ZNF362: variants seen among roughly 807,000 people sequenced by gnomAD.
ZNF362 encodes zinc finger protein 362.
ZNF362 carries 11 observed loss-of-function variants against 42.9 expected under a neutral mutation model. The observed-to-expected ratio is 0.26, with a 90% CI of 0.16 to 0.42. The LOEUF (loss-of-function observed/expected upper bound fraction) is 0.42. Ranked by LOEUF, ZNF362 falls within the 20% of genes least tolerant of loss-of-function variation. ZNF362 has a pLI of 1.00. For missense variants in ZNF362, 362 were observed against 576.2 expected, an observed-to-expected ratio of 0.63 and a Z score of 3.81; for synonymous variants, 255 against 257.3, an observed-to-expected ratio of 0.99 and a Z score of 0.09.
At chr1:33,158,398 C>T in the ZNF362 span, 147 of 1,596,084 alleles carry the variant, frequency 9.2e-5, 1 homozygote, top group East Asian at 3.0e-3. Context: ...GGGGGCTGCA[C>T]CAGGGACTGG....
At chr1:33,257,792 C>T (rs986381394) in intron 1 of ZNF362, among the ~76,000 whole-genome samples, 1 of 152,146 alleles carries the variant, frequency 6.6e-6, no homozygotes, top group African/African-American at 2.4e-5. Context: ...GTGGAACCTT[C>T]GGGAGCTGTG....
At chr1:33,212,295 A>G in the ZNF362 span, among the ~76,000 whole-genome samples, 2 of 152,148 alleles carry the variant, frequency 1.3e-5, no homozygotes, top group Non-Finnish European at 2.9e-5. Context: ...TTCTTTATAA[A>G]TTATCCAGTC....
upstream of ZNF362, among the ~76,000 whole-genome samples, chr1:33,253,065 T>C (rs1453498567): frequency 6.6e-6 from 1 of 151,632 alleles, no homozygotes; most frequent in Non-Finnish European, 1.5e-5. Flanking sequence ...AATGGCTTCA[T>C]ACAGGAGGTG....
At chr1:33,151,623 C>A in the ZNF362 span, among the ~76,000 whole-genome samples, 1 of 152,174 alleles carries the variant, frequency 6.6e-6, no homozygotes, top group Non-Finnish European at 1.5e-5. Context: ...TGGGGGCTCA[C>A]TATTCTACAG....
chr1:33,250,295 A>T, the ZNF362 span, among the ~76,000 whole-genome samples: 2 of 152,196 alleles, frequency 1.3e-5, no homozygotes, highest in African/African-American at 4.8e-5. Flanking sequence ...GGGTCCAAGT[A>T]GAAAGTGCAT....
At chr1:33,276,853 C>T (rs1645954391) in intron 4 of ZNF362, among the ~76,000 whole-genome samples, 2 of 152,232 alleles carry the variant, frequency 1.3e-5, no homozygotes, top group Non-Finnish European at 2.9e-5. Context: ...TGGGGCTCAC[C>T]AGGAAAGTTA....
the ZNF362 span, among the ~76,000 whole-genome samples, chr1:33,166,904 A>G: frequency 6.6e-6 from 1 of 152,044 alleles, no homozygotes; most frequent in Non-Finnish European, 1.5e-5. Context: ...TTTTGCATTA[A>G]TTTTGATTTA....
At chr1:33,279,616 A>C (rs571360735) in intron 4 of ZNF362, among the ~76,000 whole-genome samples, 1 of 149,552 alleles carries the variant, frequency 6.7e-6, no homozygotes, top group Admixed American at 6.7e-5. Context: ...TAAAACGCTC[A>C]TTGTCAAAGA....
chr1:33,272,045 A>G (rs1283834130), intron 2 of ZNF362, among the ~76,000 whole-genome samples: 1 of 146,250 alleles, frequency 6.8e-6, no homozygotes, highest in South Asian at 2.3e-4. Flanking sequence ...GGTGGGAGAG[A>G]GGGGGCTCCC....
the ZNF362 span, among the ~76,000 whole-genome samples, chr1:33,198,203 A>G: frequency 6.6e-6 from 1 of 152,222 alleles, no homozygotes; most frequent in Non-Finnish European, 1.5e-5. Context: ...GAAAAATACT[A>G]TGTATAAAGA....
chr1:33,129,262 T>C, the ZNF362 span, among the ~76,000 whole-genome samples: 12 of 152,316 alleles, frequency 7.9e-5, no homozygotes, highest in African/African-American at 2.9e-4. The surrounding 1 kb of genome is among the most constrained non-coding windows in gnomAD (Gnocchi z 4.1). Context: ...AAGTTACTTA[T>C]GGGTTGGGGG....
At chr1:33,256,880 G>T (rs1022744960) in intron 1 of ZNF362, among the ~76,000 whole-genome samples, 1 of 150,184 alleles carries the variant, frequency 6.7e-6, no homozygotes, top group African/African-American at 2.4e-5. Context: ...TGTCTCCCGC[G>T]GCGTGTCTGG....
At chr1:33,229,045 T>C in the ZNF362 span, among the ~76,000 whole-genome samples, 2 of 152,136 alleles carry the variant, frequency 1.3e-5, no homozygotes, top group African/African-American at 4.8e-5. Context: ...TCGAGGTATC[T>C]GTAGGGCTTG....
At chr1:33,210,618 G>A in the ZNF362 span, among the ~76,000 whole-genome samples, 1 of 152,098 alleles carries the variant, frequency 6.6e-6, no homozygotes, top group Middle Eastern at 3.2e-3. Context: ...CCTGTATTGG[G>A]TGCATATATA....
the ZNF362 span, among the ~76,000 whole-genome samples, chr1:33,237,347 T>G: frequency 6.6e-6 from 1 of 152,182 alleles, no homozygotes; most frequent in Non-Finnish European, 1.5e-5. Flanking sequence ...TGACCAAGGC[T>G]GCAGAAGGAC....
At chr1:33,250,553 G>A in the ZNF362 span, among the ~76,000 whole-genome samples, 43,991 of 151,840 alleles carry the variant, frequency 0.29, 6,574 homozygotes, top group African/African-American at 0.37. Flanking sequence ...ACGTGGACAC[G>A]TAGTGAGGGA....
In ZNF362 at chr1:33,280,153, G is replaced by T; in HGVS notation, c.379G>T (p.Val127Leu). ...GGGGCTGTCCACCCGGACCCCGTCT[G>T]TGAGCACTTCTGAGTCAAGCGCGGG... ...GLGLSTRTPS[V>L]STSESSAGAG... Residue 127 changes from valine to leucine, a missense_variant, in exon 5 of 9, where the codon GTG (valine) becomes TTG (leucine). By Grantham distance (32) the Val-to-Leu change is conservative. This residue lies in a region of ZNF362 where 266 missense variants were observed against 365.4 expected (regional missense o/e 0.73). Transcript: ENST00000539719. This position sits in a 1 kb window ranked among gnomAD's most constrained non-coding sequence, Gnocchi z 5.6. The T allele has an allele frequency of 6.3e-7, 1 of 1,596,962 alleles. No homozygotes were observed. Among genetic ancestry groups the T allele is most frequent in the Non-Finnish European group, 8.6e-7 (1 of 1,168,414 alleles).
Position 33,256,706 on chromosome 1 carries a change from C to T in ZNF362, c.-89+52C>T, listed in dbSNP as rs1280842741. On this transcript the variant is annotated intron_variant, in intron 1 of 8. Coordinates refer to ENST00000539719, the MANE Select transcript of ZNF362 (RefSeq NM_152493.3). ...GAGCGGGCCCAGCGGCGGCGGGCGCCTGCCCGCGGGAAAGTTGCGCCGAGT... is the reference window on the plus strand; with the variant it reads ...GAGCGGGCCCAGCGGCGGCGGGCGCTTGCCCGCGGGAAAGTTGCGCCGAGT... 3.4e-5 allele frequency: 5 copies of T among 145,724 alleles called. No individual in the cohort carries two copies. In the East Asian group the frequency reaches 1.0e-3, roughly 29 times the overall value. The allele number at this position is 145,724 out of a possible 1,614,324, so 9.0% of individuals were successfully genotyped here.
At chr1:33,142,891 A>G in the ZNF362 span, 1 of 152,084 alleles carries the variant, frequency 6.6e-6, no homozygotes, top group South Asian at 2.1e-4. Context: ...TTCCCTGCTC[A>G]AACACTGAGA....
Sources: gnomAD v4.1 joint callset for allele counts (sites outside exome capture counted in the v4.1 genomes callset) on GRCh38, gnomAD v4.1.1 for gene constraint, gnomAD v4.1.1 regional missense constraint, Gnocchi (gnomAD v3.1) non-coding constraint, MANE v1.5 for transcripts, NCBI Gene and HGNC (gene_info 2026-07-23, HGNC 2026-07-21) for gene names.